TECPR2: variants seen among roughly 807,000 people sequenced by gnomAD.
The protein encoded by TECPR2 is tectonin beta-propeller repeat-containing protein 2.
A neutral mutation model predicts 138.1 loss-of-function variants in TECPR2; 65 were observed. The observed-to-expected ratio is 0.47, with a 90% CI of 0.39 to 0.58. The LOEUF (loss-of-function observed/expected upper bound fraction) is 0.58. Ranked by LOEUF, TECPR2 falls within the 20% of genes least tolerant of loss-of-function variation. The pLI is 0.00. For missense variants in TECPR2, 1,553 were observed against 1,824.5 expected, an observed-to-expected ratio of 0.85 and a Z score of 2.71; for synonymous variants, 746 against 749.8, an observed-to-expected ratio of 0.99 and a Z score of 0.08.
chr14:102,486,561 C>T (rs1891030562), intron 17 of TECPR2, among the ~76,000 whole-genome samples: 1 of 152,232 alleles, frequency 6.6e-6, no homozygotes, highest in Non-Finnish European at 1.5e-5. Flanking sequence ...CTGCCCCTTC[C>T]ACAGGGGCCC....
Position 102,443,749 on chromosome 14 carries a change from A to G in TECPR2, c.2855A>G (p.Glu952Gly). 6.2e-7 allele frequency: 1 copy of G among 1,612,080 alleles called. No homozygotes were observed. The highest frequency in any genetic ancestry group is 8.5e-7 in the Non-Finnish European group (1 of 1,178,518). The change falls in exon 12 of 20, where the codon GAG becomes GGG. Residue 952 changes from glutamate to glycine, a missense_variant. By Grantham distance (98) the Glu-to-Gly change is moderately conservative. Coordinates refer to ENST00000359520, the MANE Select transcript of TECPR2 (RefSeq NM_014844.5). The surrounding 1 kb of genome is among the most constrained non-coding windows in gnomAD (Gnocchi z 4.9). Reference protein sequence around the residue: ...ARNNVVWALTEQRALLYREGV... With the variant: ...ARNNVVWALTGQRALLYREGV... ...AACAATGTGGTGTGGGCGCTGACAG[A>G]GCAGAGGGCCCTCCTGTACCGGGAG... is the stretch of plus-strand genomic sequence containing the variant.
intron 2 of TECPR2, 150 bp from the exon 3 acceptor site, chr14:102,407,188 T>C: frequency 9.6e-7 from 1 of 1,039,792 alleles, no homozygotes; most frequent in Non-Finnish European, 1.3e-6. Flanking sequence ...TTTCAACAGA[T>C]GTAATTTCTG....
chr14:102,474,243 G>A (rs1002993858), intron 17 of TECPR2, among the ~76,000 whole-genome samples: 3 of 152,102 alleles, frequency 2.0e-5, no homozygotes, highest in African/African-American at 7.2e-5. Context: ...ACTCCAGACT[G>A]GGCAACAGAG....
chr14:102,498,040 C>CATCTGTGCCCAAGCTCCCAGCTCT, intron 19 of TECPR2, 63 bp from the exon 20 acceptor site: 1 of 1,575,826 alleles, frequency 6.3e-7, no homozygotes, highest in Non-Finnish European at 8.6e-7. Flanking sequence ...CTCCCAGCTC[C>CATCTGTGCCCAAGCTCCCAGCTCT]ATCTGTGCCC....
chr14:102,404,899 G>A (rs752962509), intron 2 of TECPR2, among the ~76,000 whole-genome samples: 12 of 152,044 alleles, frequency 7.9e-5, no homozygotes, highest in Non-Finnish European at 1.2e-4. Flanking sequence ...TGATAAGGAC[G>A]TGAAGATTGT....
intron 1 of TECPR2, among the ~76,000 whole-genome samples, chr14:102,373,938 G>A (rs993242729): frequency 6.6e-6 from 1 of 151,696 alleles, no homozygotes; most frequent in East Asian, 1.9e-4. Flanking sequence ...AAAATTATCC[G>A]GGCTTGGTGG....
chr14:102,407,763 GAGGC>G (rs1888703535), intron 3 of TECPR2, among the ~76,000 whole-genome samples: 1 of 151,960 alleles, frequency 6.6e-6, no homozygotes, highest in Non-Finnish European at 1.5e-5. Flanking sequence ...TTGGGAGGCC[GAGGC>G]AGGCAGATCA....
In TECPR2 at chr14:102,443,554, C is replaced by T; in HGVS notation, c.2753-93C>T. 1 of 1,241,302 alleles carries T rather than the reference C, an allele frequency of 8.1e-7. No homozygotes were observed. 76.9% of individuals were successfully genotyped at this position (1,241,302 alleles called of 1,614,324 possible). On this transcript the variant is annotated intron_variant, in intron 11 of 19. Coordinates refer to ENST00000359520, the MANE Select transcript of TECPR2 (RefSeq NM_014844.5). The surrounding 1 kb of genome is among the most constrained non-coding windows in gnomAD (Gnocchi z 4.9). ...CATCATAAAAGAATATAGCAAAATA[C>T]CAAAAAAGGAAAAATAAGCCAATAA... is the stretch of plus-strand genomic sequence containing the variant.
In TECPR2 at chr14:102,443,776, G is replaced by A. The variant is rs1344228476; in HGVS notation, c.2882G>A (p.Gly961Asp). 1.2e-6 allele frequency: 2 copies of A among 1,607,700 alleles called. No homozygotes were observed. The highest frequency in any genetic ancestry group is 1.7e-5 in the Admixed American group (1 of 59,548). ...TEQRALLYRE[G>D]VSSFCPEGEQ... is the part of the protein sequence containing the mutation. Reference sequence around the variant, plus strand: ...CAGAGGGCCCTCCTGTACCGGGAGGGCGTGAGCAGCTTCTGTCCGGAAGGC... The same window carrying A: ...CAGAGGGCCCTCCTGTACCGGGAGGACGTGAGCAGCTTCTGTCCGGAAGGC... The change falls in exon 12 of 20, where the codon GGC becomes GAC. Residue 961 changes from glycine to aspartate, a missense_variant. Coordinates refer to ENST00000359520, the MANE Select transcript of TECPR2 (RefSeq NM_014844.5). The surrounding 1 kb of genome is among the most constrained non-coding windows in gnomAD (Gnocchi z 4.9).
intron 17 of TECPR2, among the ~76,000 whole-genome samples, chr14:102,475,064 C>T (rs904487372): frequency 1.3e-5 from 2 of 152,200 alleles, no homozygotes; most frequent in African/African-American, 4.8e-5. Context: ...CACAGGCTAC[C>T]GTAGAGACAC....
At chr14:102,461,791 C>T (rs1204917185) in intron 16 of TECPR2, among the ~76,000 whole-genome samples, 2 of 152,154 alleles carry the variant, frequency 1.3e-5, no homozygotes, top group Admixed American at 6.6e-5. Flanking sequence ...CAGTACTGGT[C>T]GTGGGTCCTG....
At chr14:102,428,451 A>G (rs951630818) in intron 7 of TECPR2, 69 bp downstream of exon 7, 3 of 1,586,324 alleles carry the variant, frequency 1.9e-6, no homozygotes, top group Non-Finnish European at 2.6e-6. Flanking sequence ...TTGTAATTGC[A>G]GTTAATAATT....
chr14:102,470,932 C>T (rs1282974323), intron 17 of TECPR2, among the ~76,000 whole-genome samples: 8 of 151,968 alleles, frequency 5.3e-5, no homozygotes, highest in African/African-American at 1.4e-4. Flanking sequence ...AGTTCTCCTG[C>T]CTCAGCCTCA....
At chr14:102,488,764 G>A (rs1431977632) in intron 17 of TECPR2, among the ~76,000 whole-genome samples, 2 of 151,814 alleles carry the variant, frequency 1.3e-5, no homozygotes, top group African/African-American at 2.4e-5. Flanking sequence ...TCACAACCAA[G>A]GCTTGTCTAC....
chr14:102,422,916 C>T (rs548787201), intron 5 of TECPR2, among the ~76,000 whole-genome samples: 98 of 152,186 alleles, frequency 6.4e-4, no homozygotes, highest in Middle Eastern at 3.4e-3. Context: ...TGACAGTGGT[C>T]GCAGAAGATT....
chr14:102,414,287 C>CTTTTTTTTTTTTTTTTT, intron 4 of TECPR2, among the ~76,000 whole-genome samples: 1 of 152,138 alleles, frequency 6.6e-6, no homozygotes, highest in African/African-American at 2.4e-5. Flanking sequence ...TTTATGGATT[C>CTTTTTTTTTTTTTTTTT]TTCTTTGAAC....
intron 1 of TECPR2, among the ~76,000 whole-genome samples, chr14:102,366,720 A>G (rs1887356545): frequency 6.6e-6 from 1 of 152,150 alleles, no homozygotes; most frequent in Admixed American, 6.5e-5. Flanking sequence ...CTGAGCATCT[A>G]CTCTGTGCCA....
chr14:102,481,672 T>C (rs977971368), intron 17 of TECPR2, among the ~76,000 whole-genome samples: 1 of 152,238 alleles, frequency 6.6e-6, no homozygotes, highest in Admixed American at 6.5e-5. Flanking sequence ...CTATAAGATG[T>C]GCTATAAGAA....
At chr14:102,413,377 GTA>G (rs66892451) in intron 4 of TECPR2, among the ~76,000 whole-genome samples, 1 of 148,108 alleles carries the variant, frequency 6.8e-6, no homozygotes, top group Non-Finnish European at 1.5e-5. Context: ...TATATATAAT[GTA>G]TATATATATA....
Sources: allele counts gnomAD v4.1 joint callset (sites outside exome capture counted in the v4.1 genomes callset), GRCh38; gene constraint gnomAD v4.1.1; non-coding constraint Gnocchi (gnomAD v3.1); transcripts MANE v1.5; gene names NCBI Gene and HGNC (gene_info 2026-07-23, HGNC 2026-07-21).